ANO3: variants seen among roughly 807,000 people sequenced by gnomAD.
The protein encoded by ANO3 is anoctamin 3, also known as anoctamin-3.
ANO3 carries 99 observed loss-of-function variants against 144.8 expected under a neutral mutation model. That is an observed-to-expected ratio of 0.68 (90% CI 0.58 to 0.81). ANO3 has a LOEUF of 0.81. Among genes scored for constraint, ANO3 ranks in the 30% least tolerant of loss-of-function variants. ANO3 has a pLI of 0.00. For missense variants in ANO3, 905 were observed against 1,202.2 expected (o/e 0.75, Z 3.66); for synonymous variants, 414 against 392.6 (o/e 1.05, Z -0.64).
At chr11:26,527,877 A>C (rs1421213237) in intron 7 of ANO3, among the ~76,000 whole-genome samples, 6 of 151,798 alleles carry the variant, frequency 4.0e-5, no homozygotes, top group Admixed American at 6.6e-5. Context: ...AACAAAAAAG[A>C]CTCCCTTATC....
chr11:26,309,760 C>T, intron 1 of ANO3: 2 of 944,360 alleles, frequency 2.1e-6, no homozygotes, highest in Non-Finnish European at 2.5e-6. Context: ...CCCACCAACT[C>T]TGTTCTTCAA....
chr11:26,310,792 C>T (rs1854486517), intron 1 of ANO3, among the ~76,000 whole-genome samples: 1 of 152,064 alleles, frequency 6.6e-6, no homozygotes, highest in Admixed American at 6.6e-5. Context: ...ACTTGTTTAC[C>T]ATGAGTCTAC....
Position 26,559,643 on chromosome 11 carries a change from C to A in ANO3, c.1387-76C>A, listed in dbSNP as rs755154989. 3.0e-6 allele frequency: 3 copies of A among 985,806 alleles called. No individual in the cohort carries two copies. The Admixed American group carries it at 5.2e-5, about 17-fold the overall frequency. 61.1% of individuals were successfully genotyped at this position (985,806 alleles called of 1,614,324 possible). On this transcript the variant is annotated intron_variant, in intron 13 of 26. Transcript: ENST00000256737. ...TTCTATTTGAGAAAAAATCATAGTA[C>A]CTGAGTGCAAACAGTATTCACTGGC... is the stretch of plus-strand genomic sequence containing the variant.
intron 1 of ANO3, among the ~76,000 whole-genome samples, chr11:26,229,100 AT>A (rs5790564): frequency 1.3e-5 from 2 of 151,434 alleles, no homozygotes; most frequent in African/African-American, 2.4e-5. Flanking sequence ...TAAAGAGGAC[AT>A]TTTTTTTTCT....
At chr11:26,380,631 C>T (rs1400092150) in intron 1 of ANO3, among the ~76,000 whole-genome samples, 1 of 152,106 alleles carries the variant, frequency 6.6e-6, no homozygotes, top group Non-Finnish European at 1.5e-5. Context: ...AATACCATTG[C>T]CTTTGGGATT....
chr11:26,634,127 G>T, intron 18 of ANO3, 77 bp from the exon 19 acceptor site: 1 of 732,490 alleles, frequency 1.4e-6, no homozygotes, highest in Non-Finnish European at 2.3e-6. Context: ...CTTGAACTTG[G>T]GGTTTCTGCC....
chr11:26,220,690 T>G (rs1270486522), intron 1 of ANO3, among the ~76,000 whole-genome samples: 1 of 152,208 alleles, frequency 6.6e-6, no homozygotes, highest in Non-Finnish European at 1.5e-5. Context: ...TGACTCCTAT[T>G]TATGGATCAG....
At chr11:26,294,434 T>C (rs1854039479) in intron 1 of ANO3, among the ~76,000 whole-genome samples, 1 of 151,988 alleles carries the variant, frequency 6.6e-6, no homozygotes, top group African/African-American at 2.4e-5. Flanking sequence ...AAACATTGTA[T>C]ATGTTTATCA....
At chr11:26,425,179 G>A (rs191406835) in intron 1 of ANO3, among the ~76,000 whole-genome samples, 1 of 151,890 alleles carries the variant, frequency 6.6e-6, no homozygotes, top group East Asian at 1.9e-4. Flanking sequence ...TCTAGTTCAC[G>A]TTTTATTTTC....
chr11:26,497,990 G>A (rs1348180717), intron 4 of ANO3, among the ~76,000 whole-genome samples: 1 of 151,982 alleles, frequency 6.6e-6, no homozygotes, highest in Non-Finnish European at 1.5e-5. Context: ...TTGGGTTTAA[G>A]TAGAGTTTGT....
At chr11:26,276,252 C>T (rs372207552) in intron 1 of ANO3, among the ~76,000 whole-genome samples, 95 of 152,130 alleles carry the variant, frequency 6.2e-4, no homozygotes, top group African/African-American at 2.1e-3. Flanking sequence ...TCACCTAAGA[C>T]TCTTGTGAAA....
intron 3 of ANO3, among the ~76,000 whole-genome samples, chr11:26,448,247 C>T (rs1199081303): frequency 1.3e-5 from 2 of 148,698 alleles, no homozygotes; most frequent in Non-Finnish European, 3.0e-5. Context: ...TGCGGTGAGC[C>T]GAGATCGTGC....
chr11:26,376,473 C>T (rs1388171148), intron 1 of ANO3, among the ~76,000 whole-genome samples: 3 of 151,960 alleles, frequency 2.0e-5, no homozygotes, highest in Non-Finnish European at 4.4e-5. Context: ...ATTCATTTAC[C>T]TCAGTTCATA....
Position 26,652,005 on chromosome 11 carries a change from A to G in ANO3, c.2577-4120A>G, listed in dbSNP as rs151021673. Among the ~76,000 whole-genome samples, 463 of 152,212 alleles carry G rather than the reference A, an allele frequency of 3.0e-3. 2 individuals carry two copies. Among genetic ancestry groups the G allele is most frequent in the Middle Eastern group, 0.027 (8 of 294 alleles). On this transcript the variant is annotated intron_variant, in intron 24 of 26. Transcript: ENST00000256737. The stretch of plus-strand genomic sequence containing the variant: ...TCTTTTCCATCCTTAACCATCTTAC[A>G]AACCAGTTGCCCAATCACCGTAACC...
At chr11:26,235,542 T>A (rs1388490420) in intron 1 of ANO3, among the ~76,000 whole-genome samples, 1 of 151,776 alleles carries the variant, frequency 6.6e-6, no homozygotes, top group East Asian at 2.0e-4. Flanking sequence ...CACATATTAC[T>A]GTGAAAAAAA....
chr11:26,222,506 G>A (rs1286489270), intron 1 of ANO3, among the ~76,000 whole-genome samples: 1 of 152,178 alleles, frequency 6.6e-6, no homozygotes, highest in Non-Finnish European at 1.5e-5. Context: ...GTGCCCCACT[G>A]GAAACTGTGT....
At chr11:26,425,595 T>C (rs370614363) in intron 1 of ANO3, among the ~76,000 whole-genome samples, 2 of 152,246 alleles carry the variant, frequency 1.3e-5, no homozygotes, top group East Asian at 3.9e-4. Flanking sequence ...ATGACCCTGA[T>C]TATATTCTGT....
rs1565164716 is a variant in ANO3, at chr11:26,647,573, T to C, written c.2429-136T>C. 1.3e-5 allele frequency: 9 copies of C among 681,824 alleles called. No individual in the cohort carries two copies. In the East Asian group the frequency reaches 2.2e-4, roughly 16 times the overall value. The allele number at this position is 681,824 out of a possible 1,614,324, so 42.2% of individuals were successfully genotyped here. On this transcript the variant is annotated intron_variant, in intron 23 of 26. Coordinates refer to ENST00000256737, the MANE Select transcript of ANO3 (RefSeq NM_031418.4). The stretch of plus-strand genomic sequence containing the variant: ...GATAGCTATAATGTCTGTATTGAGA[T>C]AGTATAATAAGAAAGCACATAGTGG...
upstream of ANO3, among the ~76,000 whole-genome samples, chr11:26,305,182 C>T (rs987042183): frequency 6.6e-6 from 1 of 150,790 alleles, no homozygotes; most frequent in Non-Finnish European, 1.5e-5. Flanking sequence ...AGTAATATTC[C>T]ACATAAACAA....
Sources: allele counts gnomAD v4.1 joint callset (sites outside exome capture counted in the v4.1 genomes callset), GRCh38; gene constraint gnomAD v4.1.1; transcripts MANE v1.5; gene names NCBI Gene and HGNC (gene_info 2026-07-23, HGNC 2026-07-21).